The following CACNB4 variants were observed in gnomAD, a reference collection of about 807,000 sequenced individuals.
CACNB4 encodes the protein voltage-dependent L-type calcium channel subunit beta-4.
CACNB4 carries 32 observed loss-of-function variants against 71.2 expected under a neutral mutation model. The ratio of observed to expected loss-of-function variants is 0.45; its 90% CI spans 0.34 to 0.60. CACNB4 has a LOEUF of 0.60. Ranked by LOEUF, CACNB4 falls within the 20% of genes least tolerant of loss-of-function variation. CACNB4 has a pLI of 0.01. For synonymous variants in CACNB4, 231 were observed against 236.9 expected (o/e 0.97, Z 0.23); for missense variants, 464 against 647.9 (o/e 0.72, Z 3.08).
At chr2:152,010,226 T>C (rs1682979601) in intron 2 of CACNB4, among the ~76,000 whole-genome samples, 1 of 152,188 alleles carries the variant, frequency 6.6e-6, no homozygotes, top group Non-Finnish European at 1.5e-5. Context: ...GTAAGCACCA[T>C]TAAAATCAAT....
At chr2:151,866,700 T>G (rs143438249) in intron 9 of CACNB4, 1 of 152,220 alleles carries the variant, frequency 6.6e-6, no homozygotes, top group Non-Finnish European at 1.5e-5. Flanking sequence ...CTCTTAATAT[T>G]TGAAATCAAG....
At chr2:151,905,101 G>C (rs906551978) in intron 2 of CACNB4, among the ~76,000 whole-genome samples, 1 of 152,170 alleles carries the variant, frequency 6.6e-6, no homozygotes, top group Non-Finnish European at 1.5e-5. Flanking sequence ...TCAAGTGCGT[G>C]CCAGGATACT....
At chr2:151,985,118 A>G (rs1269829331) in intron 2 of CACNB4, among the ~76,000 whole-genome samples, 1 of 152,182 alleles carries the variant, frequency 6.6e-6, no homozygotes, top group East Asian at 1.9e-4. Flanking sequence ...ATTGCAGAAA[A>G]CTTGGAAAAT....
chr2:151,988,450 T>C (rs1681498032), intron 2 of CACNB4, among the ~76,000 whole-genome samples: 1 of 152,108 alleles, frequency 6.6e-6, no homozygotes, highest in Non-Finnish European at 1.5e-5. Flanking sequence ...ATAATAAATA[T>C]ATATAATAAA....
At chr2:151,845,693 C>T (rs958986902) in intron 12 of CACNB4, among the ~76,000 whole-genome samples, 1 of 152,220 alleles carries the variant, frequency 6.6e-6, no homozygotes, top group East Asian at 1.9e-4. Flanking sequence ...CTCGGTGATA[C>T]CATGCCCTTG....
chr2:151,868,474 T>C (rs1236892294), intron 9 of CACNB4: 1 of 152,206 alleles, frequency 6.6e-6, no homozygotes, highest in Non-Finnish European at 1.5e-5. Context: ...ACAGGCTTTT[T>C]ACCATTTCTC....
chr2:152,048,332 A>G (rs1164281484), intron 2 of CACNB4, among the ~76,000 whole-genome samples: 1 of 152,130 alleles, frequency 6.6e-6, no homozygotes, highest in Non-Finnish European at 1.5e-5. Context: ...TACCATCAGA[A>G]ACTTCTATCT....
At chr2:151,905,253 C>T (rs1370732185) in intron 2 of CACNB4, among the ~76,000 whole-genome samples, 2 of 152,200 alleles carry the variant, frequency 1.3e-5, no homozygotes, top group African/African-American at 4.8e-5. Flanking sequence ...GGAGTTCTCT[C>T]CAGCCCATTG....
At chr2:152,034,832 T>C (rs1005699390) in intron 2 of CACNB4, among the ~76,000 whole-genome samples, 1 of 152,174 alleles carries the variant, frequency 6.6e-6, no homozygotes, top group African/African-American at 2.4e-5. Context: ...TAATAAGTAC[T>C]GTGTGGTGCT....
chr2:152,048,171 T>G (rs988989646), intron 2 of CACNB4, among the ~76,000 whole-genome samples: 11 of 152,116 alleles, frequency 7.2e-5, no homozygotes, highest in Non-Finnish European at 1.5e-4. Flanking sequence ...ACAGCATCCC[T>G]GGTCTCTACT....
At chr2:151,870,974 C>T in intron 6 of CACNB4, 113 bp from the exon 7 acceptor site, 1 of 742,468 alleles carries the variant, frequency 1.3e-6, no homozygotes, top group Non-Finnish European at 2.2e-6. Flanking sequence ...ATCTTCACCA[C>T]CTTCCTATCG....
At chr2:151,970,335 C>T (rs773558730) in intron 2 of CACNB4, 2 of 152,164 alleles carry the variant, frequency 1.3e-5, no homozygotes, top group Non-Finnish European at 2.9e-5. Flanking sequence ...AATATATTAA[C>T]AATGACTATT....
At chr2:151,915,640 C>T (rs999265711) in intron 2 of CACNB4, among the ~76,000 whole-genome samples, 1 of 151,964 alleles carries the variant, frequency 6.6e-6, no homozygotes, top group Non-Finnish European at 1.5e-5. Context: ...GTCAGGAGCT[C>T]GAGACCAGCC....
chr2:152,000,790 C>T (rs1317759020), intron 2 of CACNB4, among the ~76,000 whole-genome samples: 1 of 152,218 alleles, frequency 6.6e-6, no homozygotes, highest in Non-Finnish European at 1.5e-5. Flanking sequence ...CTCACACGCC[C>T]CTGACCTCTT....
At chr2:152,093,474 C>A (rs1385537027) in intron 2 of CACNB4, among the ~76,000 whole-genome samples, 3 of 151,366 alleles carry the variant, frequency 2.0e-5, no homozygotes, top group Non-Finnish European at 4.4e-5. Flanking sequence ...TTGTTGCACC[C>A]CATCAAAAGA....
chr2:151,836,195 A>G lies in CACNB4; in HGVS notation c.*2924T>C, dbSNP rs886054956. 2 of 151,812 alleles carry G rather than the reference A, an allele frequency of 1.3e-5. No individual in the cohort carries two copies. The highest frequency in any genetic ancestry group is 3.0e-5 in the Non-Finnish European group (2 of 67,722). The allele number at this position is 151,812 out of a possible 1,614,324, so 9.4% of individuals were successfully genotyped here. A position where few individuals can be genotyped will look rare whatever the true frequency, so the allele number is the denominator to read the frequency against. ...TTTCCACATTGTCACATGAGTCCACATTATTATATGTCTGTGACTGAAATT... is the reference window on the plus strand; with the variant it reads ...TTTCCACATTGTCACATGAGTCCACGTTATTATATGTCTGTGACTGAAATT... On this transcript the variant is annotated 3_prime_UTR_variant, in exon 14 of 14. Transcript: ENST00000539935.
At chr2:151,911,433 C>T (rs62175715) in intron 2 of CACNB4, among the ~76,000 whole-genome samples, 2,864 of 152,146 alleles carry the variant, frequency 0.019, 35 homozygotes, top group South Asian at 0.026. Context: ...ATATTGGCTG[C>T]GGGTTTGTTA....
At chr2:151,864,873 T>A (rs2099842673) in intron 9 of CACNB4, among the ~76,000 whole-genome samples, 1 of 152,198 alleles carries the variant, frequency 6.6e-6, no homozygotes, top group Non-Finnish European at 1.5e-5. Flanking sequence ...ATTTAAAGAC[T>A]CGAAGGAGAT....
intron 2 of CACNB4, among the ~76,000 whole-genome samples, chr2:151,940,973 C>T (rs4510225): frequency 0.1 from 15,599 of 152,144 alleles, 2,607 homozygotes; most frequent in African/African-American, 0.35. Flanking sequence ...CTTCTAAGTG[C>T]TACTTCCTCA....
Sources: allele counts gnomAD v4.1 joint callset (sites outside exome capture counted in the v4.1 genomes callset), GRCh38; gene constraint gnomAD v4.1.1; transcripts MANE v1.5; gene names NCBI Gene and HGNC (gene_info 2026-07-23, HGNC 2026-07-21).